AFF1: variants seen among roughly 807,000 people sequenced by gnomAD.
AFF1 encodes the protein ALF transcription elongation factor 1.
In AFF1, 48 loss-of-function variants were observed where a neutral mutation model predicts 121.7. That is an observed-to-expected ratio of 0.39 (90% CI 0.31 to 0.50). AFF1 has a LOEUF of 0.50. Among genes scored for constraint, AFF1 ranks in the 20% least tolerant of loss-of-function variants. The pLI is 0.76. For missense variants in AFF1, 1,523 were observed against 1,511.7 expected, an observed-to-expected ratio of 1.01 and a Z score of -0.12; for synonymous variants, 613 against 563.0, an observed-to-expected ratio of 1.09 and a Z score of -1.26.
chr4:87,050,440 A>G (rs887609598), intron 4 of AFF1, among the ~76,000 whole-genome samples: 11 of 151,938 alleles, frequency 7.2e-5, no homozygotes, highest in African/African-American at 2.4e-4. Flanking sequence ...CACTCTTTTT[A>G]TTTTTTGGTT....
At chr4:87,113,324 C>T (rs977783931) in intron 11 of AFF1, among the ~76,000 whole-genome samples, 1 of 151,984 alleles carries the variant, frequency 6.6e-6, no homozygotes, top group South Asian at 2.1e-4. Context: ...CACTCTGTCA[C>T]CTAAGCTGGA....
In AFF1 at chr4:86,993,716, G is replaced by T. The variant is rs538767998; in HGVS notation, c.38+45145G>T. 1.2e-4 allele frequency among the ~76,000 whole-genome samples: 19 copies of T among 152,300 alleles called. No individual in the cohort carries two copies. The South Asian group carries it at 3.9e-3, about 32-fold the overall frequency. On this transcript the variant is annotated intron_variant, in intron 2 of 20. Transcript: ENST00000395146. ...ATGGTGGCTCATGCCTGTAATCCCAGCATTTTGGGAGGCTGAGGTGGGTGG... is the reference window on the plus strand; with the variant it reads ...ATGGTGGCTCATGCCTGTAATCCCATCATTTTGGGAGGCTGAGGTGGGTGG...
At chr4:87,088,494 G>A (rs1723958731) in intron 5 of AFF1, among the ~76,000 whole-genome samples, 1 of 152,332 alleles carries the variant, frequency 6.6e-6, no homozygotes, top group South Asian at 2.1e-4. Flanking sequence ...TGTGGAGATA[G>A]GTTAGCCAGG....
chr4:87,127,109 G>A lies in AFF1; in HGVS notation c.2895G>A (p.Lys965=). ...GNSKPGKPQV[K]FDKQQADLHM... is the part of the protein sequence containing the mutation. ...CTAAACCAGGGAAGCCTCAAGTGAA[G>A]TTTGACAAGTAAGACTTCAGATGAT... is the stretch of plus-strand genomic sequence containing the variant. The change falls in exon 15 of 21, where the codon AAG becomes AAA. Residue 965 remains lysine (K), a synonymous_variant. Coordinates refer to ENST00000395146, the MANE Select transcript of AFF1 (RefSeq NM_001166693.3). 6.3e-7 allele frequency: 1 copy of A among 1,599,608 alleles called. No individual in the cohort carries two copies. The highest frequency in any genetic ancestry group is 8.5e-7 in the Non-Finnish European group (1 of 1,171,308).
intron 4 of AFF1, among the ~76,000 whole-genome samples, chr4:87,048,743 T>C (rs1056822108): frequency 2.0e-5 from 3 of 152,126 alleles, no homozygotes; most frequent in African/African-American, 7.2e-5. Context: ...CTCACTGAGC[T>C]CTTGAGCTGA....
At chr4:87,104,876 C>T (rs189256374) in intron 8 of AFF1, among the ~76,000 whole-genome samples, 32 of 105,568 alleles carry the variant, frequency 3.0e-4, no homozygotes, top group East Asian at 5.9e-4. Context: ...TTTTTTTTTT[C>T]CTCACTGAAA....
chr4:87,123,702 T>G (rs1386802802), intron 12 of AFF1, among the ~76,000 whole-genome samples: 1 of 152,190 alleles, frequency 6.6e-6, no homozygotes, highest in African/African-American at 2.4e-5. Flanking sequence ...CTGTTTTCTA[T>G]TATTTTGTGT....
intron 2 of AFF1, among the ~76,000 whole-genome samples, chr4:87,004,395 A>T (rs1243531300): frequency 1.3e-5 from 2 of 152,224 alleles, no homozygotes; most frequent in Non-Finnish European, 2.9e-5. Flanking sequence ...GGTATTTAAA[A>T]TATTTATTTT....
At chr4:87,124,726 T>A (rs900999409) in intron 12 of AFF1, among the ~76,000 whole-genome samples, 6 of 152,214 alleles carry the variant, frequency 3.9e-5, no homozygotes, top group Non-Finnish European at 7.3e-5. Context: ...ACATCAGTGG[T>A]CTATTGAAGT....
chr4:86,953,058 T>C (rs1721485826), intron 2 of AFF1, among the ~76,000 whole-genome samples: 1 of 150,592 alleles, frequency 6.6e-6, no homozygotes, highest in Admixed American at 6.7e-5. Context: ...TTCTATGACA[T>C]ATTTTTTTTG....
intron 2 of AFF1, among the ~76,000 whole-genome samples, chr4:86,962,588 G>A (rs574041147): frequency 7.8e-4 from 119 of 152,106 alleles, no homozygotes; most frequent in African/African-American, 2.8e-3. Flanking sequence ...GGTTCCATTG[G>A]GCAATATAGG....
chr4:86,994,518 G>A (rs1294146018), intron 2 of AFF1, among the ~76,000 whole-genome samples: 1 of 152,236 alleles, frequency 6.6e-6, no homozygotes, highest in African/African-American at 2.4e-5. Flanking sequence ...AATCTTAGCA[G>A]CTGCAACTGT....
chr4:87,049,767 G>A (rs1273742139), intron 4 of AFF1: 8 of 456,046 alleles, frequency 1.8e-5, no homozygotes, highest in Non-Finnish European at 3.1e-5. Flanking sequence ...CTGTTGGTGA[G>A]TGGGAGGATG....
chr4:86,938,002 A>G (rs1720166116), intron 1 of AFF1, among the ~76,000 whole-genome samples: 1 of 152,138 alleles, frequency 6.6e-6, no homozygotes, highest in Non-Finnish European at 1.5e-5. Flanking sequence ...GAAAGGGTAA[A>G]CTTGTTTTCA....
intron 2 of AFF1, among the ~76,000 whole-genome samples, chr4:87,000,596 AAAT>A (rs1725616026): frequency 8.3e-6 from 1 of 120,058 alleles, no homozygotes; most frequent in South Asian, 2.9e-4. Context: ...ATTTATTAAA[AAAT>A]AAACTCTGTG....
chr4:87,011,281 A>G (rs1726732568), intron 2 of AFF1, among the ~76,000 whole-genome samples: 1 of 152,172 alleles, frequency 6.6e-6, no homozygotes, highest in Non-Finnish European at 1.5e-5. Context: ...AAGTATGTTC[A>G]GTCAACTCTC....
intron 2 of AFF1, among the ~76,000 whole-genome samples, chr4:87,032,859 A>G (rs1008955593): frequency 2.0e-5 from 3 of 152,166 alleles, no homozygotes; most frequent in African/African-American, 4.8e-5. Context: ...TCAACAATAA[A>G]TGTTTCAAGC....
chr4:86,995,249 G>C (rs1239521094), intron 2 of AFF1, among the ~76,000 whole-genome samples: 3 of 150,540 alleles, frequency 2.0e-5, no homozygotes, highest in Non-Finnish European at 1.5e-5. Flanking sequence ...CAAACAGGCA[G>C]TTAGAAAAAT....
At chr4:87,041,796 C>G (rs1044521777) in intron 2 of AFF1, among the ~76,000 whole-genome samples, 1 of 152,158 alleles carries the variant, frequency 6.6e-6, no homozygotes, top group South Asian at 2.1e-4. Context: ...GGGTGGATCA[C>G]TTGAGGTCAG....
Sources: gnomAD v4.1 joint callset for allele counts (sites outside exome capture counted in the v4.1 genomes callset) on GRCh38, gnomAD v4.1.1 for gene constraint, MANE v1.5 for transcripts, NCBI Gene and HGNC (gene_info 2026-07-23, HGNC 2026-07-21) for gene names.